The following IGFBP5 variants were observed in gnomAD, a reference collection of about 807,000 sequenced individuals.
IGFBP5 encodes insulin-like growth factor-binding protein 5.
A neutral mutation model predicts 28.0 loss-of-function variants in IGFBP5; 12 were observed. That is an observed-to-expected ratio of 0.43 (90% confidence interval 0.27 to 0.69). The LOEUF (loss-of-function observed/expected upper bound fraction) is 0.69, where lower values mean the gene tolerates loss of function less well. Among genes scored for constraint, IGFBP5 ranks in the 30% least tolerant of loss-of-function variants. The probability of loss-of-function intolerance (pLI) is 0.20; values close to 1 mark genes in which losing one functional copy is unlikely to be tolerated. For missense variants in IGFBP5, 344 were observed against 381.6 expected (o/e 0.90, Z 0.82); for synonymous variants, 152 against 150.2 (o/e 1.01, Z -0.09).
At chr2:216,685,405 A>G (rs11575157) in intron 1 of IGFBP5, among the ~76,000 whole-genome samples, 2,805 of 152,296 alleles carry the variant, frequency 0.018, 97 homozygotes, top group African/African-American at 0.064. Flanking sequence ...GTGGCCACAT[A>G]TGGACATTGC....
intron 1 of IGFBP5, among the ~76,000 whole-genome samples, chr2:216,688,664 T>G (rs184027435): frequency 2.6e-5 from 4 of 152,316 alleles, no homozygotes; most frequent in Admixed American, 2.6e-4. Flanking sequence ...AGAGGTCATC[T>G]GAGGCCTGGC....
chr2:216,678,070 T>G, intron 3 of IGFBP5, 42 bp downstream of exon 3: 1 of 1,377,860 alleles, frequency 7.3e-7, no homozygotes, highest in Non-Finnish European at 9.5e-7. Flanking sequence ...AGGTGCCATT[T>G]TTGGAGCAGT....
At position 216,692,190 on chromosome 2, in the gene IGFBP5, A is replaced by G. The variant is rs1288887799; in HGVS notation, c.337+2249T>C. 1.3e-5 allele frequency among the ~76,000 whole-genome samples: 2 copies of G among 152,056 alleles called. No homozygotes were observed. The highest frequency in any genetic ancestry group is 2.9e-5 in the Non-Finnish European group (2 of 68,008). On this transcript the variant is annotated intron_variant, in intron 1 of 3. Coordinates refer to ENST00000233813, the MANE Select transcript of IGFBP5 (RefSeq NM_000599.4). This position sits in a 1 kb window ranked among gnomAD's most constrained non-coding sequence, Gnocchi z 4.2. ...CAGCGGTGGAGCGCCGCCAACCCGC[A>G]ACAGCAGCCGGCCGGGCACCTGCCT...
rs113122788 is a variant in IGFBP5, at chr2:216,676,740, G to T, written c.*11C>A. On this transcript the variant is annotated 3_prime_UTR_variant, in exon 4 of 4. Coordinates refer to ENST00000233813, the MANE Select transcript of IGFBP5 (RefSeq NM_000599.4). ...TGGGAGGGGGTGAGGGAAAGGTTGG[G>T]GGGGGACGCATCACTCAACGTTGCT... The T allele has an allele frequency of 2.5e-5, 40 of 1,607,682 alleles. No individual in the cohort carries two copies. The highest frequency in any genetic ancestry group is 1.7e-4 in the Middle Eastern group (1 of 5,830).
At chr2:216,689,599 C>T (rs113327030) in intron 1 of IGFBP5, among the ~76,000 whole-genome samples, 3 of 152,194 alleles carry the variant, frequency 2.0e-5, no homozygotes, top group South Asian at 2.1e-4. Context: ...CAGTGACTAG[C>T]GAGAAAGCCA....
In IGFBP5 at chr2:216,692,829, G is replaced by A. The variant is rs1002581706; in HGVS notation, c.337+1610C>T. On this transcript the variant is annotated intron_variant, in intron 1 of 3. Transcript: ENST00000233813. The surrounding 1 kb of genome is among the most constrained non-coding windows in gnomAD (Gnocchi z 4.2). ...TACCTCTTGCAAAGCTAGAGGGGCT[G>A]GCCCCTGCGCCACTCAAACCCTGCA... Among the ~76,000 whole-genome samples, 5 of 152,068 alleles carry A rather than the reference G, an allele frequency of 3.3e-5. No homozygotes were observed. Among genetic ancestry groups the A allele is most frequent in the Admixed American group, 2.6e-4 (4 of 15,280 alleles).
rs1169583780 is a variant in IGFBP5, at chr2:216,675,507, G to A, written c.*1244C>T. ...CTGGCCTCTGCCTGGCTCGGTGGGT[G>A]CAGATGAACACACGTGGGGAATCAC... On this transcript the variant is annotated 3_prime_UTR_variant, in exon 4 of 4. Transcript: ENST00000233813. 1.3e-5 allele frequency: 2 copies of A among 152,310 alleles called. No homozygotes were observed. Among genetic ancestry groups the A allele is most frequent in the Non-Finnish European group, 2.9e-5 (2 of 68,072 alleles). The allele number at this position is 152,310 out of a possible 1,614,324, so 9.4% of individuals were successfully genotyped here. A position where few individuals can be genotyped will look rare whatever the true frequency, so the allele number is the denominator to read the frequency against.
chr2:216,687,212 G>A (rs1196576895), intron 1 of IGFBP5, among the ~76,000 whole-genome samples: 4 of 152,158 alleles, frequency 2.6e-5, no homozygotes, highest in African/African-American at 9.7e-5. Flanking sequence ...ACCAGGTGAG[G>A]ACTTGGCACA....
rs748087175 is a variant in IGFBP5 at position 216,694,655 on chromosome 2, TG to T, written c.120del (p.Ser41AlafsTer17). ...TTGACCAGCTCGCAGCCCAGGGGGC[TG>T]GGGGGGCACATGGAGAGGGCTTTCT... ...CDEKALSMCP[P>X]SPLGCELVKE... is the part of the protein sequence containing the mutation. On this transcript the variant is annotated frameshift_variant, in exon 1 of 4. Transcript: ENST00000233813. LOFTEE classifies it high-confidence loss of function. The surrounding 1 kb of genome is among the most constrained non-coding windows in gnomAD (Gnocchi z 5.2). 1.0e-5 allele frequency: 16 copies of T among 1,527,280 alleles called. No homozygotes were observed. The highest frequency in any genetic ancestry group is 2.5e-5 in the South Asian group (2 of 78,552). The allele number at this position is 1,527,280 out of a possible 1,614,324, so 94.6% of individuals were successfully genotyped here.
At position 216,694,657 on chromosome 2, in the gene IGFBP5, G is replaced by C. The variant is rs1442030557; in HGVS notation, c.119C>G (p.Pro40Arg). ...CDEKALSMCP[P>R]SPLGCELVKE... ...GACCAGCTCGCAGCCCAGGGGGCTG[G>C]GGGGGCACATGGAGAGGGCTTTCTC... Residue 40 changes from proline to arginine, a missense_variant, in exon 1 of 4, where the codon CCC (proline) becomes CGC (arginine). This residue lies in a region of IGFBP5 where 304 missense variants were observed against 329.2 expected (regional missense o/e 0.92). Coordinates refer to ENST00000233813, the MANE Select transcript of IGFBP5 (RefSeq NM_000599.4). This position sits in a 1 kb window ranked among gnomAD's most constrained non-coding sequence, Gnocchi z 5.2. 1.3e-6 allele frequency: 2 copies of C among 1,528,754 alleles called. No homozygotes were observed. The highest frequency in any genetic ancestry group is 1.8e-6 in the Non-Finnish European group (2 of 1,141,334). The allele number at this position is 1,528,754 out of a possible 1,614,324, so 94.7% of individuals were successfully genotyped here.
chr2:216,675,251 C>T lies in IGFBP5; in HGVS notation c.*1500G>A, dbSNP rs143720329. 4.1e-3 allele frequency: 623 copies of T among 152,622 alleles called. 1 individual carries two copies. The highest frequency in any genetic ancestry group is 5.7e-3 in the Non-Finnish European group (387 of 68,090). 9.5% of individuals were successfully genotyped at this position (152,622 alleles called of 1,614,324 possible). A position where few individuals can be genotyped will look rare whatever the true frequency, so the allele number is the denominator to read the frequency against. ...TAAACCTTTTTGCCACCATCTCCCTCTGCCATCTCTTACTTCAGTCTCCCT... is the reference window on the plus strand; with the variant it reads ...TAAACCTTTTTGCCACCATCTCCCTTTGCCATCTCTTACTTCAGTCTCCCT... On this transcript the variant is annotated 3_prime_UTR_variant, in exon 4 of 4. Coordinates refer to ENST00000233813, the MANE Select transcript of IGFBP5 (RefSeq NM_000599.4).
intron 1 of IGFBP5, among the ~76,000 whole-genome samples, chr2:216,685,265 T>C (rs1689021437): frequency 7.0e-6 from 1 of 143,668 alleles, no homozygotes; most frequent in Admixed American, 6.9e-5. Context: ...TGGGCAATAG[T>C]GTGACAAAAA....
At chr2:216,676,918 C>T (rs184439709) in intron 3 of IGFBP5, 36 bp from the exon 4 acceptor site, 47 of 1,609,362 alleles carry the variant, frequency 2.9e-5, no homozygotes, top group African/African-American at 2.0e-4. Context: ...TGAGGACGGC[C>T]GCACCCCAGG....
At chr2:216,677,038 C>T (rs111246116) in intron 3 of IGFBP5, among the ~76,000 whole-genome samples, 156 bp from the exon 4 acceptor site, 7 of 152,026 alleles carry the variant, frequency 4.6e-5, no homozygotes, top group African/African-American at 9.7e-5. Flanking sequence ...CCCCATTTCA[C>T]GGAAAGACCC....
intron 1 of IGFBP5, among the ~76,000 whole-genome samples, chr2:216,684,980 C>T (rs1304583896): frequency 6.6e-6 from 1 of 152,088 alleles, no homozygotes; most frequent in African/African-American, 2.4e-5. Context: ...CCTAAGGCTA[C>T]TATATATTAA....
chr2:216,685,129 AAAT>A (rs1689019632), intron 1 of IGFBP5, among the ~76,000 whole-genome samples: 1 of 152,152 alleles, frequency 6.6e-6, no homozygotes, highest in Non-Finnish European at 1.5e-5. Context: ...TAAAAATAAA[AAAT>A]CAGCCAGGCA....
At position 216,694,336 on chromosome 2, in the gene IGFBP5, C is replaced by T; in HGVS notation, c.337+103G>A. On this transcript the variant is annotated intron_variant, in intron 1 of 3. Transcript: ENST00000233813. This position sits in a 1 kb window ranked among gnomAD's most constrained non-coding sequence, Gnocchi z 5.2. ...CCTCCCCGACTACTCCCGAGCTGCACCCCAGCTCGAAGCCACTTGCTGCGC... is the reference window on the plus strand; with the variant it reads ...CCTCCCCGACTACTCCCGAGCTGCATCCCAGCTCGAAGCCACTTGCTGCGC... 1.0e-6 allele frequency: 1 copy of T among 1,000,670 alleles called. No homozygotes were observed. Among genetic ancestry groups the T allele is most frequent in the Non-Finnish European group, 1.4e-6 (1 of 714,414 alleles). 62.0% of individuals were successfully genotyped at this position (1,000,670 alleles called of 1,614,324 possible). A position where few individuals can be genotyped will look rare whatever the true frequency, so the allele number is the denominator to read the frequency against.
In IGFBP5 at chr2:216,694,583, G is replaced by A; in HGVS notation, c.193C>T (p.Gln65Ter). Residue 65 changes from glutamine to a stop codon, truncating the protein, a stop_gained, in exon 1 of 4, where the codon CAG becomes TAG. Transcript: ENST00000233813. LOFTEE classifies it high-confidence loss of function. This position sits in a 1 kb window ranked among gnomAD's most constrained non-coding sequence, Gnocchi z 5.2. ...CGCTCGGTGTAGACGCCGCACGACT[G>A]CCCCTCGGCCAGGGCGCAGGTCATG... ...CCMTCALAEG[Q>*]SCGVYTERCA... The A allele has an allele frequency of 6.4e-7, 1 of 1,552,118 alleles. No homozygotes were observed. The highest frequency in any genetic ancestry group is 8.7e-7 in the Non-Finnish European group (1 of 1,150,446).
At chr2:216,680,100 C>T (rs1688954829) in intron 1 of IGFBP5, among the ~76,000 whole-genome samples, 1 of 152,062 alleles carries the variant, frequency 6.6e-6, no homozygotes, top group African/African-American at 2.4e-5. Context: ...CTCAGAGGAA[C>T]CAGAATGGGG....
Sources: allele counts gnomAD v4.1 joint callset (sites outside exome capture counted in the v4.1 genomes callset), GRCh38; gene constraint gnomAD v4.1.1; regional missense constraint gnomAD v4.1.1; non-coding constraint Gnocchi (gnomAD v3.1); transcripts MANE v1.5; gene names NCBI Gene and HGNC (gene_info 2026-07-23, HGNC 2026-07-21).